The following UTP6 variants were observed in gnomAD, a reference collection of about 807,000 sequenced individuals.
UTP6 encodes UTP6 small subunit processome component.
UTP6 carries 60 observed loss-of-function variants against 96.5 expected under a neutral mutation model. That is an observed-to-expected ratio of 0.62 (90% CI 0.51 to 0.77). UTP6 has a LOEUF of 0.77. UTP6 is among the 30% of genes least tolerant of loss of function. The pLI is 0.00. For synonymous variants in UTP6, 215 were observed against 240.1 expected (o/e 0.90, Z 0.96); for missense variants, 637 against 706.5 (o/e 0.90, Z 1.12).
rs772739532 is a variant in UTP6 at position 31,901,597 on chromosome 17, C to A, written c.31G>T (p.Asp11Tyr). 1 of 1,613,900 alleles carries A rather than the reference C, an allele frequency of 6.2e-7. No homozygotes were observed. The highest frequency in any genetic ancestry group is 8.5e-7 in the Non-Finnish European group (1 of 1,180,042). The change falls in exon 1 of 19, where the codon GAT becomes TAT. Residue 11 changes from aspartate (D) to tyrosine (Y), a missense_variant. By Grantham distance (160) the Asp-to-Tyr change is radical. Transcript: ENST00000261708. ...AGCTGTTCCAATTCCGGGAGCCGAT[C>A]TTCTATGCGTTCCTGAATTATCTCT... is the stretch of plus-strand genomic sequence containing the variant. The part of the protein sequence containing the change: MAEIIQERIE[D>Y]RLPELEQLER...
chr17:31,885,990 G>C lies in UTP6; in HGVS notation c.693C>G (p.Ser231Arg). The change falls in exon 9 of 19, where the codon AGC becomes AGG. Residue 231 changes from serine (S) to arginine (R), a missense_variant. Physicochemically the swap from Ser to Arg is moderately radical, Grantham distance 110 (BLOSUM62 -1). Coordinates refer to ENST00000261708, the MANE Select transcript of UTP6 (RefSeq NM_018428.3). ...LAWIIYKNSV[S>R]IIKGAEFHVS... The stretch of plus-strand genomic sequence containing the variant: ...TCAAAAGATACCTACCTTTAATTAT[G>C]CTTACAGAATTTTTGTAGATGATCC... 3 of 1,612,622 alleles carry C rather than the reference G, an allele frequency of 1.9e-6. No individual in the cohort carries two copies. Among genetic ancestry groups the C allele is most frequent in the African/African-American group, 1.3e-5 (1 of 74,998 alleles).
intron 18 of UTP6, among the ~76,000 whole-genome samples, chr17:31,864,219 G>A (rs960088396): frequency 7.9e-5 from 12 of 151,992 alleles, no homozygotes; most frequent in South Asian, 2.1e-4. Context: ...ACTCCATCTC[G>A]ACTGAAAATA....
In UTP6 at chr17:31,887,268, T is replaced by A; in HGVS notation, c.589A>T (p.Lys197Ter). The change falls in exon 8 of 19, where the codon AAG becomes TAG. Residue 197 changes from lysine to a stop codon, truncating the protein, a stop_gained. Transcript: ENST00000261708. LOFTEE classifies it high-confidence loss of function. ...ATACTGGCTTTTTCAAATTCTTCCT[T>A]CTCCTTCCTCAGTTTTTCAGCATGC... ...LMHAEKLRKE[K>*]EEFEKASMDV... The A allele has an allele frequency of 6.2e-7, 1 of 1,614,166 alleles. No homozygotes were observed. The highest frequency in any genetic ancestry group is 8.5e-7 in the Non-Finnish European group (1 of 1,180,018).
chr17:31,883,695 G>A (rs1598108470), intron 10 of UTP6, among the ~76,000 whole-genome samples: 2 of 151,094 alleles, frequency 1.3e-5, no homozygotes, highest in Middle Eastern at 6.8e-3. Context: ...CTTTTTTTCT[G>A]AGACACGGTC....
chr17:31,898,805 C>A (rs916366653), intron 2 of UTP6, among the ~76,000 whole-genome samples: 1 of 152,146 alleles, frequency 6.6e-6, no homozygotes, highest in Non-Finnish European at 1.5e-5. Flanking sequence ...CTTTGGGAGG[C>A]CGATGCTGGT....
At chr17:31,877,411 C>T (rs893852582) in intron 13 of UTP6, among the ~76,000 whole-genome samples, 1 of 152,204 alleles carries the variant, frequency 6.6e-6, no homozygotes, top group Non-Finnish European at 1.5e-5. Flanking sequence ...GTGAACAAAT[C>T]AGATGCATTC....
At chr17:31,882,826 C>G (rs1392482778) in intron 10 of UTP6, among the ~76,000 whole-genome samples, 1 of 151,916 alleles carries the variant, frequency 6.6e-6, no homozygotes, top group Non-Finnish European at 1.5e-5. Flanking sequence ...CACTCTGTCA[C>G]CCAGGCTGGG....
At position 31,892,982 on chromosome 17, in the gene UTP6, G is replaced by A. The variant is rs555138356; in HGVS notation, c.313-188C>T. Among the ~76,000 whole-genome samples the A allele has an allele frequency of 5.3e-5, 8 of 152,190 alleles. No homozygotes were observed. The South Asian group carries it at 8.3e-4, about 16-fold the overall frequency. On this transcript the variant is annotated intron_variant, in intron 4 of 18. Coordinates refer to ENST00000261708, the MANE Select transcript of UTP6 (RefSeq NM_018428.3). ...GAGGTCAGGAGATTGAAACCAGCCTGGCCAACATGGTGAAACCCCACCTAA... is the reference window on the plus strand; with the variant it reads ...GAGGTCAGGAGATTGAAACCAGCCTAGCCAACATGGTGAAACCCCACCTAA...
At chr17:31,886,188 G>T in intron 8 of UTP6, 127 bp from the exon 9 acceptor site, 1 of 694,554 alleles carries the variant, frequency 1.4e-6, no homozygotes, top group Non-Finnish European at 2.4e-6. Context: ...CTCTCTCCGG[G>T]CCAGTTCCCT....
intron 10 of UTP6, among the ~76,000 whole-genome samples, chr17:31,882,363 C>T (rs1910896456): frequency 6.7e-6 from 1 of 150,202 alleles, no homozygotes; most frequent in Non-Finnish European, 1.5e-5. Context: ...TCTCTGTCAC[C>T]AGGATGGAGT....
intron 4 of UTP6, among the ~76,000 whole-genome samples, chr17:31,894,122 A>G (rs1904494423): frequency 6.6e-6 from 1 of 151,910 alleles, no homozygotes. Context: ...TACAAAAATT[A>G]GCCAGGCACG....
rs766265317 is a variant in UTP6 at position 31,863,448 on chromosome 17, T to C, written c.1705A>G (p.Ile569Val). ...PLGRPENCGQ[I>V]YWRAMKMLQG... ...AACATTTTCATCGCTCGCCAGTAGA[T>C]CTGTCCACAGTTCTCAGGTCTACCA... Residue 569 changes from isoleucine (I) to valine (V), a missense_variant, in exon 19 of 19, where the codon ATC becomes GTC. Physicochemically the swap from Ile to Val is conservative, Grantham distance 29 (BLOSUM62 3). Transcript: ENST00000261708. 5.6e-6 allele frequency: 9 copies of C among 1,614,014 alleles called. No individual in the cohort carries two copies. In the Admixed American group the frequency reaches 8.3e-5, roughly 15 times the overall value.
In UTP6 at chr17:31,875,407, A is replaced by C. The variant is rs569963907; in HGVS notation, c.1132T>G (p.Ser378Ala). Residue 378 changes from serine (S) to alanine (A), a missense_variant, in exon 14 of 19, where the codon TCG (serine) becomes GCG (alanine). Ser to Ala is a moderately conservative substitution (Grantham distance 99). Transcript: ENST00000261708. ...CTCAGGAAGTTATAACACAGCAACG[A>C]AACACTCTAGACAAGATGAAGGATG... Reference protein sequence around the residue: ...SECQYKQLSVSLLCYNFLREA... With the variant: ...SECQYKQLSVALLCYNFLREA... 13 of 1,614,056 alleles carry C rather than the reference A, an allele frequency of 8.1e-6. No individual in the cohort carries two copies. The highest frequency in any genetic ancestry group is 1.1e-5 in the Non-Finnish European group (13 of 1,179,952).
At chr17:31,869,769 C>G (rs186720653) in intron 16 of UTP6, among the ~76,000 whole-genome samples, 5 of 152,196 alleles carry the variant, frequency 3.3e-5, no homozygotes, top group Non-Finnish European at 1.5e-5. Context: ...GACCCTGTTA[C>G]CTGGGTAAGG....
Position 31,889,458 on chromosome 17 carries a change from G to C in UTP6, c.425-55C>G. 3 of 1,223,816 alleles carry C rather than the reference G, an allele frequency of 2.5e-6. No homozygotes were observed. The Admixed American group carries it at 6.7e-5, about 27-fold the overall frequency. 75.8% of individuals were successfully genotyped at this position (1,223,816 alleles called of 1,614,324 possible). On this transcript the variant is annotated intron_variant, in intron 6 of 18. Coordinates refer to ENST00000261708, the MANE Select transcript of UTP6 (RefSeq NM_018428.3). ...TCAATAAATTAATCAAGTCAGACAAGAAAAGAACCAAATGATCCAATTTTA... is the reference window on the plus strand; with the variant it reads ...TCAATAAATTAATCAAGTCAGACAACAAAAGAACCAAATGATCCAATTTTA...
intron 10 of UTP6, among the ~76,000 whole-genome samples, chr17:31,881,439 G>C (rs182193861): frequency 2.0e-5 from 3 of 151,958 alleles, no homozygotes; most frequent in East Asian, 1.9e-4. Context: ...GCTAATTTTT[G>C]TATTTCTTTG....
intron 2 of UTP6, among the ~76,000 whole-genome samples, chr17:31,899,354 C>A (rs191646825): frequency 6.6e-6 from 1 of 152,212 alleles, no homozygotes; most frequent in East Asian, 1.9e-4. Context: ...CACCTGTAAG[C>A]CCAGCACTTT....
At chr17:31,884,697 A>C (rs1002169634) in intron 9 of UTP6, among the ~76,000 whole-genome samples, 192 bp from the exon 10 acceptor site, 1 of 150,102 alleles carries the variant, frequency 6.7e-6, no homozygotes, top group Non-Finnish European at 1.5e-5. Context: ...GCTATTGTTA[A>C]TCTTTGGAGT....
intron 9 of UTP6, 26 bp from the exon 10 acceptor site, chr17:31,884,531 A>AAC: frequency 6.4e-7 from 1 of 1,569,360 alleles, no homozygotes. Flanking sequence ...AGGGGAGGGG[A>AAC]AGTTTATTGC....
Sources: gnomAD v4.1 joint callset for allele counts (sites outside exome capture counted in the v4.1 genomes callset) on GRCh38, gnomAD v4.1.1 for gene constraint, MANE v1.5 for transcripts, NCBI Gene and HGNC (gene_info 2026-07-23, HGNC 2026-07-21) for gene names.